Variants in GRSF1 observed in about 807,000 individuals in gnomAD.
GRSF1 encodes G-rich sequence factor 1.
A neutral mutation model predicts 51.1 loss-of-function variants in GRSF1; 50 were observed. That is an observed-to-expected ratio of 0.98 (90% CI 0.78 to 1.24). The LOEUF is 1.24. GRSF1 is among the 50% of genes most tolerant of loss of function. The probability of loss-of-function intolerance (pLI) is 0.00; values close to 1 mark genes in which losing one functional copy is unlikely to be tolerated. For missense variants in GRSF1, 700 were observed against 639.7 expected (o/e 1.09, Z -1.02); for synonymous variants, 293 against 253.3 (o/e 1.16, Z -1.49).
At chr4:70,834,197 T>TGCAATGAGCCGA (rs1734101039) in intron 2 of GRSF1, among the ~76,000 whole-genome samples, 1 of 151,990 alleles carries the variant, frequency 6.6e-6, no homozygotes, top group Non-Finnish European at 1.5e-5. Flanking sequence ...AGGTGGAGGT[T>TGCAATGAGCCGA]GCAATGAGCC....
intron 6 of GRSF1, among the ~76,000 whole-genome samples, chr4:70,827,476 AGTATGT>A: frequency 2.0e-5 from 3 of 152,096 alleles, no homozygotes; most frequent in African/African-American, 7.2e-5. Flanking sequence ...ATATACTCAA[AGTATGT>A]AAAGTCCTAT....
In GRSF1 at chr4:70,833,235, G is replaced by T. The variant is rs753538777; in HGVS notation, c.553C>A (p.Leu185Ile). 1.9e-6 allele frequency: 3 copies of T among 1,613,706 alleles called. No homozygotes were observed. In the African/African-American group the frequency reaches 4.0e-5, roughly 22 times the overall value. Residue 185 changes from leucine to isoleucine, a missense_variant, in exon 3 of 10, where the codon CTC (leucine) becomes ATC (isoleucine). By Grantham distance (5) the Leu-to-Ile change is conservative (BLOSUM62 2). Transcript: ENST00000254799. ...CTTCGTTTCCCATCTCTGTTTAGGAGAAAATGTATTCCATTCTCACCGTTG... is the reference window on the plus strand; with the variant it reads ...CTTCGTTTCCCATCTCTGTTTAGGATAAAATGTATTCCATTCTCACCGTTG... ...IRNGENGIHF[L>I]LNRDGKRRGD...
At chr4:70,823,512 A>G (rs989585552) in intron 9 of GRSF1, among the ~76,000 whole-genome samples, 3 of 151,072 alleles carry the variant, frequency 2.0e-5, no homozygotes, top group African/African-American at 7.3e-5. Flanking sequence ...ACATCTGAGA[A>G]GCCAGAGCGA....
intron 1 of GRSF1, among the ~76,000 whole-genome samples, chr4:70,836,562 A>G (rs1734219929): frequency 6.6e-6 from 1 of 152,174 alleles, no homozygotes; most frequent in Non-Finnish European, 1.5e-5. Context: ...AAATTCATCA[A>G]CCCCAAATTA....
At position 70,816,752 on chromosome 4, in the gene GRSF1, C is replaced by A. The variant is rs1229877242; in HGVS notation, c.*4135G>T. On this transcript the variant is annotated 3_prime_UTR_variant, in exon 10 of 10. Coordinates refer to ENST00000254799, the MANE Select transcript of GRSF1 (RefSeq NM_002092.4). ...AAAAAACAAAAACAAAAACAAATTC[C>A]CATGACATGTATGCTGAAAGGATTA... is the stretch of plus-strand genomic sequence containing the variant. The A allele has an allele frequency of 6.6e-6, 1 of 151,958 alleles. No individual in the cohort carries two copies. Among genetic ancestry groups the A allele is most frequent in the African/African-American group, 2.4e-5 (1 of 41,372 alleles). 9.4% of individuals were successfully genotyped at this position (151,958 alleles called of 1,614,324 possible).
intron 6 of GRSF1, among the ~76,000 whole-genome samples, chr4:70,827,473 C>G (rs1733781426): frequency 1.3e-5 from 2 of 152,078 alleles, no homozygotes; most frequent in African/African-American, 4.8e-5. Context: ...TGCATATACT[C>G]AAAGTATGTA....
chr4:70,834,407 A>C (rs1334743594), intron 2 of GRSF1, among the ~76,000 whole-genome samples: 1 of 152,192 alleles, frequency 6.6e-6, no homozygotes, highest in East Asian at 1.9e-4. Context: ...TATTACATAA[A>C]GAGTCACCCT....
In GRSF1 at chr4:70,825,393, T is replaced by G. The variant is rs370663108; in HGVS notation, c.1296A>C (p.Glu432Asp). The change falls in exon 8 of 10, where the codon GAA (glutamate) becomes GAC (aspartate). Residue 432 changes from glutamate to aspartate, a missense_variant. Transcript: ENST00000254799. ...APLKPVRITM[E>D]YSSSGKATGE... ...CAGTGGCCTTCCCACTGGAGCTGTATTCCATGGTGATTCTAACAGGCTTGA... is the reference window on the plus strand; with the variant it reads ...CAGTGGCCTTCCCACTGGAGCTGTAGTCCATGGTGATTCTAACAGGCTTGA... The G allele has an allele frequency of 9.1e-5, 147 of 1,611,758 alleles. No individual in the cohort carries two copies. Among genetic ancestry groups the G allele is most frequent in the Non-Finnish European group, 1.2e-4 (143 of 1,178,596 alleles).
At chr4:70,831,183 C>T (rs924942349) in intron 5 of GRSF1, among the ~76,000 whole-genome samples, 1 of 151,754 alleles carries the variant, frequency 6.6e-6, no homozygotes, top group Admixed American at 6.6e-5. Context: ...TGGTGAAACC[C>T]CGTCTCTACT....
At chr4:70,822,919 A>G (rs1055041523) in intron 9 of GRSF1, among the ~76,000 whole-genome samples, 6 of 151,794 alleles carry the variant, frequency 4.0e-5, no homozygotes, top group Non-Finnish European at 8.8e-5. Flanking sequence ...ACATGGTGAA[A>G]CCTCATCTCT....
At chr4:70,826,803 G>C (rs909660374) in intron 6 of GRSF1, among the ~76,000 whole-genome samples, 9 of 152,108 alleles carry the variant, frequency 5.9e-5, no homozygotes, top group Admixed American at 2.6e-4. Context: ...AGCCATGATT[G>C]TGCCACTGCA....
At chr4:70,823,974 CTCTTTTTTT>C (rs1460060928) in intron 9 of GRSF1, among the ~76,000 whole-genome samples, 1 of 100,932 alleles carries the variant, frequency 9.9e-6, no homozygotes, top group Non-Finnish European at 1.9e-5. Context: ...TTGTATCTCT[CTCTTTTTTT>C]TTTTTTTTTT....
chr4:70,823,264 G>A (rs573879783), intron 9 of GRSF1, among the ~76,000 whole-genome samples: 1 of 152,166 alleles, frequency 6.6e-6, no homozygotes, highest in South Asian at 2.1e-4. Flanking sequence ...GGGCGTGGTG[G>A]TGCATGCCTG....
upstream of GRSF1, among the ~76,000 whole-genome samples, chr4:70,841,864 T>C (rs1330382473): frequency 6.6e-6 from 1 of 152,210 alleles, no homozygotes; most frequent in Admixed American, 6.5e-5. Flanking sequence ...GAGAGTATTG[T>C]CATTTTTATA....
chr4:70,825,571 A>C, intron 7 of GRSF1, 140 bp from the exon 8 acceptor site: 1 of 532,662 alleles, frequency 1.9e-6, no homozygotes, highest in South Asian at 4.6e-5. Flanking sequence ...TTAAGCAGTA[A>C]TATATTTATA....
At chr4:70,821,707 T>A (rs2148834320) in intron 9 of GRSF1, among the ~76,000 whole-genome samples, 1 of 150,936 alleles carries the variant, frequency 6.6e-6, no homozygotes, top group Non-Finnish European at 1.5e-5. Context: ...AGAGTTTCGT[T>A]CTGTCATCCA....
upstream of GRSF1, among the ~76,000 whole-genome samples, chr4:70,841,832 T>G (rs1304891337): frequency 2.0e-5 from 3 of 152,220 alleles, no homozygotes; most frequent in Non-Finnish European, 1.5e-5. Flanking sequence ...TTTTGTTTTT[T>G]GGGCTAAAAT....
chr4:70,838,921 G>T, intron 1 of GRSF1: 1 of 338,856 alleles, frequency 3.0e-6, no homozygotes, highest in Admixed American at 4.1e-5. Context: ...GGGACAGCTC[G>T]TCTTTCCCTG....
At position 70,827,965 on chromosome 4, in the gene GRSF1, ATT is replaced by A. The variant is rs1209630906; in HGVS notation, c.1020_1021del (p.Lys340AsnfsTer8). The A allele has an allele frequency of 1.5e-5, 24 of 1,612,466 alleles. No individual in the cohort carries two copies. Among genetic ancestry groups the A allele is most frequent in the Non-Finnish European group, 2.0e-5 (24 of 1,178,656 alleles). ...ATACTTAGCAGTAGGAAAAGATGCGATTTTCTTTCCCTTATAAGAACCGACAT... is the reference window on the plus strand; with the variant it reads ...ATACTTAGCAGTAGGAAAAGATGCGATTCTTTCCCTTATAAGAACCGACAT... On this transcript the variant is annotated frameshift_variant, in exon 6 of 10. Transcript: ENST00000254799. LOFTEE classifies it high-confidence loss of function.
Sources: gnomAD v4.1 joint callset for allele counts (sites outside exome capture counted in the v4.1 genomes callset) on GRCh38, gnomAD v4.1.1 for gene constraint, MANE v1.5 for transcripts, NCBI Gene and HGNC (gene_info 2026-07-23, HGNC 2026-07-21) for gene names.